PRSS36: variants seen among roughly 807,000 people sequenced by gnomAD.
The protein encoded by PRSS36 is polyserase-2.
A neutral mutation model predicts 94.3 loss-of-function variants in PRSS36; 90 were observed. The observed-to-expected ratio is 0.95, with a 90% CI of 0.80 to 1.14. The LOEUF (loss-of-function observed/expected upper bound fraction) is 1.14. Among genes scored for constraint, PRSS36 ranks in the 50% most tolerant of loss-of-function variants. The pLI, the probability that PRSS36 is intolerant of heterozygous loss-of-function variation, is 0.00. For synonymous variants in PRSS36, 500 were observed against 489.6 expected (o/e 1.02, Z -0.28); for missense variants, 1,158 against 1,135.0 (o/e 1.02, Z -0.29).
chr16:31,139,150 C>A lies in PRSS36; in HGVS notation c.2556G>T (p.Leu852=). The A allele has an allele frequency of 6.4e-7, 1 of 1,567,842 alleles. No homozygotes were observed. Among genetic ancestry groups the A allele is most frequent in the South Asian group, 1.2e-5 (1 of 83,988 alleles). ...GGACCCTAGCCCCTCAGCTCTGGAT[C>A]AGGAGAGTCAGCAGGAGCAGGAAGT... ...AVYFLLLLTL[L]IQS Residue 852 remains leucine, a synonymous_variant, in exon 15 of 15, where the codon CTG becomes CTT. Transcript: ENST00000268281.
chr16:31,140,675 A>C lies in PRSS36; in HGVS notation c.1984T>G (p.Ser662Ala). The C allele has an allele frequency of 1.9e-6, 3 of 1,613,996 alleles. No homozygotes were observed. The highest frequency in any genetic ancestry group is 2.5e-6 in the Non-Finnish European group (3 of 1,179,956). Residue 662 changes from serine to alanine, a missense_variant, in exon 13 of 15, where the codon TCC (serine) becomes GCC (alanine). By Grantham distance (99) the Ser-to-Ala change is moderately conservative. Transcript: ENST00000268281. ...ASSLPQGHQV[S>A]RLVISIRLPQ... ...AGCCGGATGCTGATGACCAAGCGGG[A>C]TACCTGGTGGCCCTGTGGGAGGGAG...
rs909041921 is a variant in PRSS36 at position 31,142,707 on chromosome 16, C to T, written c.1357+30G>A. On this transcript the variant is annotated intron_variant, in intron 9 of 14. Transcript: ENST00000268281. ...AGACGGCCCCTGCACCGCCCGGTGCCGCCCGGCCCAGCGCCGGTCCCCAGC... is the reference window on the plus strand; with the variant it reads ...AGACGGCCCCTGCACCGCCCGGTGCTGCCCGGCCCAGCGCCGGTCCCCAGC... 5.9e-6 allele frequency: 8 copies of T among 1,347,526 alleles called. No homozygotes were observed. The South Asian group carries it at 9.7e-5, about 16-fold the overall frequency. 83.5% of individuals were successfully genotyped at this position (1,347,526 alleles called of 1,614,324 possible). A position where few individuals can be genotyped will look rare whatever the true frequency, so the allele number is the denominator to read the frequency against.
In PRSS36 at chr16:31,140,672, G is replaced by A. The variant is rs200824712; in HGVS notation, c.1987C>T (p.Arg663Cys). 9.3e-6 allele frequency: 15 copies of A among 1,613,894 alleles called. No individual in the cohort carries two copies. Among genetic ancestry groups the A allele is most frequent in the Admixed American group, 8.3e-5 (5 of 59,970 alleles). The change falls in exon 13 of 15, where the codon CGC becomes TGC. Residue 663 changes from arginine to cysteine, a missense_variant. Physicochemically the swap from Arg to Cys is radical, Grantham distance 180. Coordinates refer to ENST00000268281, the MANE Select transcript of PRSS36 (RefSeq NM_173502.5). ...GGCAGCCGGATGCTGATGACCAAGC[G>A]GGATACCTGGTGGCCCTGTGGGAGG... ...SSLPQGHQVS[R>C]LVISIRLPQH...
intron 14 of PRSS36, 147 bp downstream of exon 14, chr16:31,140,147 C>T (rs1263634811): frequency 1.4e-5 from 11 of 771,576 alleles, no homozygotes; most frequent in Middle Eastern, 4.4e-4. Context: ...GCCGAGATCG[C>T]GCCACTGCAC....
chr16:31,146,644 G>C (rs144248723), intron 5 of PRSS36, among the ~76,000 whole-genome samples: 57 of 152,252 alleles, frequency 3.7e-4, no homozygotes, highest in African/African-American at 1.4e-3. Flanking sequence ...AAGGAGTAGG[G>C]GGTGGGGGGA....
intron 10 of PRSS36, 141 bp downstream of exon 10, chr16:31,142,340 T>C: frequency 1.1e-6 from 1 of 877,714 alleles, no homozygotes; most frequent in Non-Finnish European, 1.6e-6. Context: ...CCCCGCTCCC[T>C]CCCTAGAGCC....
At position 31,140,571 on chromosome 16, in the gene PRSS36, CAGGG is replaced by C; in HGVS notation, c.2084_2087del (p.Ala695GlyfsTer37). 5.0e-6 allele frequency: 8 copies of C among 1,598,816 alleles called. No homozygotes were observed. Among genetic ancestry groups the C allele is most frequent in the Non-Finnish European group, 6.8e-6 (8 of 1,172,512 alleles). Reference sequence around the variant, plus strand: ...TACCCGCCGGGTGGAGACAGATGGGCAGGGCTGATGGGGAGGGCTCCACCCGGGA... The same window carrying C: ...TACCCGCCGGGTGGAGACAGATGGGCCTGATGGGGAGGGCTCCACCCGGGA... On this transcript the variant is annotated frameshift_variant, in exon 13 of 15. Transcript: ENST00000268281. LOFTEE classifies it high-confidence loss of function.
rs918716288 is a variant in PRSS36, at chr16:31,143,947, C to A, written c.721-110G>T. 1.0e-5 allele frequency: 14 copies of A among 1,391,836 alleles called. No homozygotes were observed. In the African/African-American group the frequency reaches 2.0e-4, roughly 20 times the overall value. 86.2% of individuals were successfully genotyped at this position (1,391,836 alleles called of 1,614,324 possible). On this transcript the variant is annotated intron_variant, in intron 6 of 14. Transcript: ENST00000268281. ...CCACCTTCTCCCTTCTCCTAGAAAC[C>A]CTCCTTGGCTAGGCCTTGTCCTCTG...
At chr16:31,144,513 G>A (rs2057766426) in intron 6 of PRSS36, among the ~76,000 whole-genome samples, 1 of 152,130 alleles carries the variant, frequency 6.6e-6, no homozygotes, top group South Asian at 2.1e-4. Flanking sequence ...TCACTATGTT[G>A]CTCAGGCTGG....
chr16:31,148,044 G>C (rs1039231992), intron 5 of PRSS36, among the ~76,000 whole-genome samples: 1 of 152,042 alleles, frequency 6.6e-6, no homozygotes, highest in African/African-American at 2.4e-5. Context: ...TATTTTCCTC[G>C]TGTTACAGAT....
intron 2 of PRSS36, 93 bp downstream of exon 2, chr16:31,149,603 C>T (rs1186758723): frequency 1.9e-6 from 3 of 1,607,508 alleles, no homozygotes; most frequent in Non-Finnish European, 2.6e-6. Flanking sequence ...TTCCCACTTC[C>T]CTGTCCGTTC....
chr16:31,149,802 C>T, intron 1 of PRSS36, 71 bp from the exon 2 acceptor site: 2 of 1,605,066 alleles, frequency 1.2e-6, no homozygotes, highest in Non-Finnish European at 1.7e-6. Flanking sequence ...TGACTCCCTC[C>T]CCCAGCCTCC....
chr16:31,139,976 C>T (rs1054265089), intron 14 of PRSS36, among the ~76,000 whole-genome samples: 5 of 151,062 alleles, frequency 3.3e-5, no homozygotes, highest in Middle Eastern at 3.4e-3. Context: ...CGGCGGATCA[C>T]GAGATCAGAT....
chr16:31,142,344 TA>T, intron 10 of PRSS36, 136 bp downstream of exon 10: 1 of 939,848 alleles, frequency 1.1e-6, no homozygotes, highest in Non-Finnish European at 1.5e-6. Flanking sequence ...GCTCCCTCCC[TA>T]GAGCCCACTC....
rs2057868298 is a variant in PRSS36 at position 31,149,734 on chromosome 16, G to A, written c.38-3C>T. On this transcript the variant is annotated splice_region_variant and splice_polypyrimidine_tract_variant and intron_variant, in intron 1 of 14. Coordinates refer to ENST00000268281, the MANE Select transcript of PRSS36 (RefSeq NM_173502.5). ...GGCTCCTGGGATGGGACTGATGACT[G>A]GAAAGACAGAGGTAGGCAGGAAGAG... 1 of 1,614,072 alleles carries A rather than the reference G, an allele frequency of 6.2e-7. No individual in the cohort carries two copies. The highest frequency in any genetic ancestry group is 8.5e-7 in the Non-Finnish European group (1 of 1,180,038).
At position 31,143,606 on chromosome 16, in the gene PRSS36, A is replaced by C. The variant is rs779200074; in HGVS notation, c.952T>G (p.Cys318Gly). ...SDPQEPREEN[C>G]TIALPECGKA... ...CACTCACCAGGCAGGGCAATGGTGC[A>C]GTTCTCCTCCCTGGGCTCCTGGGGA... Residue 318 changes from cysteine to glycine, a missense_variant, in exon 7 of 15, where the codon TGC becomes GGC. Transcript: ENST00000268281. 15 of 1,614,186 alleles carry C rather than the reference A, an allele frequency of 9.3e-6. No individual in the cohort carries two copies. Among genetic ancestry groups the C allele is most frequent in the Non-Finnish European group, 1.1e-5 (13 of 1,180,014 alleles).
rs758252712 is a variant in PRSS36 at position 31,140,631 on chromosome 16, G to C, written c.2028C>G (p.Leu676=). ...ISIRLPQHLG[L]RPPLALLELS... Reference sequence around the variant, plus strand: ...GCTCCAGGAGGGCCAGGGGGGGCCTGAGTCCCAGGTGCTGGGGCAGCCGGA... The same window carrying C: ...GCTCCAGGAGGGCCAGGGGGGGCCTCAGTCCCAGGTGCTGGGGCAGCCGGA... Residue 676 remains leucine (L), a synonymous_variant, in exon 13 of 15, where the codon CTC becomes CTG. Transcript: ENST00000268281. The C allele has an allele frequency of 1.2e-5, 19 of 1,613,022 alleles. No individual in the cohort carries two copies. The South Asian group carries it at 2.0e-4, about 17-fold the overall frequency.
intron 2 of PRSS36, 75 bp from the exon 3 acceptor site, chr16:31,149,573 C>T (rs1317630864): frequency 1.2e-6 from 2 of 1,607,312 alleles, no homozygotes; most frequent in South Asian, 1.1e-5. Flanking sequence ...ACTTCCTGCT[C>T]TCCAACCCCC....
At position 31,142,502 on chromosome 16, in the gene PRSS36, C is replaced by T. The variant is rs762236555; in HGVS notation, c.1500G>A (p.Lys500=). The change falls in exon 10 of 15, where the codon AAG becomes AAA. Residue 500 remains lysine (K), a synonymous_variant. Transcript: ENST00000268281. The part of the protein sequence containing the change: ...PHALCPAYQE[K]EEVGSCWNDS... ...TTACCCAGCAGCTGCCCACCTCCTC[C>T]TTTTCCTGGTAGGCAGGGCAGAGCG... 85 of 1,494,126 alleles carry T rather than the reference C, an allele frequency of 5.7e-5. 3 individuals are homozygous for T. The South Asian group carries it at 1.0e-3, about 18-fold the overall frequency. 92.6% of individuals were successfully genotyped at this position (1,494,126 alleles called of 1,614,324 possible). A position where few individuals can be genotyped will look rare whatever the true frequency, so the allele number is the denominator to read the frequency against.
Sources: gnomAD v4.1 joint callset for allele counts (sites outside exome capture counted in the v4.1 genomes callset) on GRCh38, gnomAD v4.1.1 for gene constraint, MANE v1.5 for transcripts, NCBI Gene and HGNC (gene_info 2026-07-23, HGNC 2026-07-21) for gene names.